UVRAG: variants seen among roughly 807,000 people sequenced by gnomAD.
The protein encoded by UVRAG is UV radiation resistance-associated gene protein.
UVRAG carries 19 observed loss-of-function variants against 78.0 expected under a neutral mutation model. That is an observed-to-expected ratio of 0.24 (90% confidence interval 0.17 to 0.36). The LOEUF (loss-of-function observed/expected upper bound fraction) is 0.36. UVRAG is among the 10% of genes least tolerant of loss of function. The probability of loss-of-function intolerance (pLI) is 1.00; values close to 1 mark genes in which losing one functional copy is unlikely to be tolerated. For missense variants in UVRAG, 740 were observed against 853.8 expected (o/e 0.87, Z 1.66); for synonymous variants, 323 against 324.6 (o/e 1.00, Z 0.05).
intron 14 of UVRAG, 125 bp downstream of exon 14, chr11:76,116,140 A>G (rs1952177023): frequency 3.4e-6 from 3 of 892,472 alleles, no homozygotes; most frequent in African/African-American, 1.7e-5. Context: ...TATGGGAGGA[A>G]AATGAAAGGC....
At chr11:75,885,495 A>G (rs1947054828) in intron 4 of UVRAG, among the ~76,000 whole-genome samples, 1 of 152,152 alleles carries the variant, frequency 6.6e-6, no homozygotes, top group South Asian at 2.1e-4. Context: ...GTGATTTGCC[A>G]AAGATCGCGC....
intron 8 of UVRAG, among the ~76,000 whole-genome samples, chr11:75,989,755 A>G (rs903809940): frequency 1.3e-5 from 2 of 152,116 alleles, no homozygotes; most frequent in East Asian, 1.9e-4. Flanking sequence ...CTGTGTCCCC[A>G]TAGTGTTTTG....
chr11:75,983,546 T>A (rs1382363160), intron 8 of UVRAG, 33 bp downstream of exon 8: 1 of 1,524,432 alleles, frequency 6.6e-7, no homozygotes, highest in Admixed American at 2.0e-5. Flanking sequence ...CAGCCTAACC[T>A]CCACATTCAG....
At chr11:75,969,425 C>T (rs1000594784) in intron 7 of UVRAG, among the ~76,000 whole-genome samples, 1 of 152,110 alleles carries the variant, frequency 6.6e-6, no homozygotes, top group African/African-American at 2.4e-5. Flanking sequence ...CGTCTTAGAA[C>T]CTTGTGGACT....
intron 13 of UVRAG, among the ~76,000 whole-genome samples, chr11:76,095,377 A>G (rs1951769621): frequency 6.6e-6 from 1 of 152,052 alleles, no homozygotes; most frequent in South Asian, 2.1e-4. Flanking sequence ...TCTGCTTTTT[A>G]GCTTGCAAAA....
intron 6 of UVRAG, among the ~76,000 whole-genome samples, chr11:75,917,358 T>C (rs1033474829): frequency 3.3e-5 from 5 of 152,248 alleles, no homozygotes; most frequent in Non-Finnish European, 5.9e-5. Context: ...ATTGAAATCT[T>C]CTTGAAGGAA....
intron 7 of UVRAG, among the ~76,000 whole-genome samples, chr11:75,971,300 G>A (rs374650939): frequency 6.6e-6 from 1 of 152,340 alleles, no homozygotes; most frequent in Non-Finnish European, 1.5e-5. Flanking sequence ...TAAAGTTGTT[G>A]TAGACATTTG....
chr11:76,082,764 T>C (rs1344251368), intron 13 of UVRAG, among the ~76,000 whole-genome samples: 1 of 152,124 alleles, frequency 6.6e-6, no homozygotes, highest in Non-Finnish European at 1.5e-5. Flanking sequence ...GTATGGTGGC[T>C]CATGCTTGTA....
intron 3 of UVRAG, among the ~76,000 whole-genome samples, chr11:75,865,159 T>C (rs1946509332): frequency 6.6e-6 from 1 of 151,866 alleles, no homozygotes; most frequent in Non-Finnish European, 1.5e-5. Context: ...TGGTGGCACA[T>C]GCCTGTAATC....
intron 4 of UVRAG, among the ~76,000 whole-genome samples, chr11:75,883,045 A>G (rs1158184695): frequency 6.6e-6 from 1 of 152,178 alleles, no homozygotes; most frequent in East Asian, 1.9e-4. Context: ...GCACTGGGGT[A>G]TATATCCCAT....
intron 1 of UVRAG, among the ~76,000 whole-genome samples, chr11:75,838,086 T>TA (rs199964485): frequency 1.2e-4 from 18 of 151,476 alleles, no homozygotes; most frequent in Admixed American, 3.3e-4. Flanking sequence ...AAACTGTACT[T>TA]AAAAAAAAAC....
intron 13 of UVRAG, among the ~76,000 whole-genome samples, chr11:76,112,163 G>A (rs1212560605): frequency 6.6e-6 from 1 of 152,024 alleles, no homozygotes; most frequent in Admixed American, 6.6e-5. Context: ...AGAATACTAA[G>A]GTTAAAGAAG....
At position 76,014,071 on chromosome 11, in the gene UVRAG, G is replaced by A. The variant is rs578115956; in HGVS notation, c.1061-2744G>A. 2.1e-3 allele frequency among the ~76,000 whole-genome samples: 323 copies of A among 152,230 alleles called. 4 individuals are homozygous for A. Among genetic ancestry groups the A allele is most frequent in the African/African-American group, 7.4e-3 (306 of 41,546 alleles). ...TGCTATTTCTTTTTGTTTTATTTCT[G>A]TGTGTAGACTTCTCTTAGAGATGCC... On this transcript the variant is annotated intron_variant, in intron 11 of 14. Coordinates refer to ENST00000356136, the MANE Select transcript of UVRAG (RefSeq NM_003369.4).
At chr11:75,844,682 T>TC (rs1172035189) in intron 1 of UVRAG, among the ~76,000 whole-genome samples, 1 of 151,800 alleles carries the variant, frequency 6.6e-6, no homozygotes, top group Non-Finnish European at 1.5e-5. Context: ...TCTTTTCTTT[T>TC]TTTTTTTTGA....
At chr11:75,937,382 T>C (rs1207818578) in intron 6 of UVRAG, among the ~76,000 whole-genome samples, 1 of 152,210 alleles carries the variant, frequency 6.6e-6, no homozygotes, top group Non-Finnish European at 1.5e-5. Context: ...TATTTTCGTC[T>C]GGTATCATTT....
intron 7 of UVRAG, among the ~76,000 whole-genome samples, chr11:75,975,628 G>A (rs866879212): frequency 2.6e-4 from 40 of 152,122 alleles, no homozygotes; most frequent in African/African-American, 8.2e-4. Context: ...CTTTGAAGCA[G>A]TTGTGAATGG....
chr11:76,042,090 G>A (rs1262519381), intron 12 of UVRAG, among the ~76,000 whole-genome samples: 3 of 152,046 alleles, frequency 2.0e-5, no homozygotes, highest in African/African-American at 7.2e-5. Flanking sequence ...GCTCAAAGGA[G>A]GGCATATAAA....
intron 7 of UVRAG, among the ~76,000 whole-genome samples, chr11:75,972,805 T>A (rs1949150948): frequency 6.6e-6 from 1 of 152,256 alleles, no homozygotes; most frequent in African/African-American, 2.4e-5. Flanking sequence ...GATGGATAAT[T>A]GGATAATTTG....
chr11:75,892,249 C>A, intron 5 of UVRAG: 2 of 798,846 alleles, frequency 2.5e-6, no homozygotes, highest in Non-Finnish European at 1.5e-6. Context: ...ATCTCTGAAG[C>A]CCAGCCATCA....
Sources: gnomAD v4.1 joint callset for allele counts (sites outside exome capture counted in the v4.1 genomes callset) on GRCh38, gnomAD v4.1.1 for gene constraint, MANE v1.5 for transcripts, NCBI Gene and HGNC (gene_info 2026-07-23, HGNC 2026-07-21) for gene names.